Variants in ARMC9 observed in about 807,000 individuals in gnomAD.
ARMC9 encodes lisH domain-containing protein ARMC9.
In ARMC9, 94 loss-of-function variants were observed where a neutral mutation model predicts 107.0. That is an observed-to-expected ratio of 0.88 (90% confidence interval 0.74 to 1.04). ARMC9 has a LOEUF of 1.04. Ranked by LOEUF, ARMC9 falls within the 50% of genes least tolerant of loss-of-function variation. The probability of loss-of-function intolerance (pLI) is 0.00; values close to 1 mark genes in which losing one functional copy is unlikely to be tolerated. For synonymous variants in ARMC9, 380 were observed against 396.9 expected (o/e 0.96, Z 0.51); for missense variants, 942 against 1,030.1 (o/e 0.91, Z 1.17).
chr2:231,206,090 G>A (rs1171227351), intron 1 of ARMC9, 108 bp from the exon 2 acceptor site: 3 of 704,908 alleles, frequency 4.3e-6, no homozygotes, highest in Non-Finnish European at 7.6e-6. Flanking sequence ...TCTGGGGATT[G>A]GCGCATGGAT....
chr2:231,289,365 G>T (rs1421023702), intron 17 of ARMC9, among the ~76,000 whole-genome samples: 1 of 152,196 alleles, frequency 6.6e-6, no homozygotes, highest in Non-Finnish European at 1.5e-5. Context: ...TACTTGGGAG[G>T]CTAAGGTAGG....
At chr2:231,303,860 T>C (rs1240685026) in intron 19 of ARMC9, among the ~76,000 whole-genome samples, 1 of 152,100 alleles carries the variant, frequency 6.6e-6, no homozygotes, top group African/African-American at 2.4e-5. Flanking sequence ...TGCTTGAACC[T>C]GGGAGGTGGA....
At chr2:231,364,557 G>A (rs2045730838) in intron 23 of ARMC9, among the ~76,000 whole-genome samples, 1 of 152,176 alleles carries the variant, frequency 6.6e-6, no homozygotes, top group African/African-American at 2.4e-5. Flanking sequence ...AGCACTTTGG[G>A]AGGCCGAGGC....
chr2:231,223,811 T>A (rs2034385611), intron 6 of ARMC9, among the ~76,000 whole-genome samples: 1 of 152,240 alleles, frequency 6.6e-6, no homozygotes, highest in Non-Finnish European at 1.5e-5. Flanking sequence ...TCTGCCTTTA[T>A]ATCCTTAAGG....
chr2:231,327,292 C>G (rs1035954090), intron 19 of ARMC9, among the ~76,000 whole-genome samples: 1 of 152,184 alleles, frequency 6.6e-6, no homozygotes, highest in South Asian at 2.1e-4. Context: ...AAGATCAGAA[C>G]GTTTCCATCA....
intron 9 of ARMC9, among the ~76,000 whole-genome samples, chr2:231,252,572 A>T (rs2037399732): frequency 6.6e-6 from 1 of 152,180 alleles, no homozygotes; most frequent in African/African-American, 2.4e-5. Flanking sequence ...TAGTATGGCC[A>T]TGTCCTTACT....
At chr2:231,237,753 G>GTATATATATATA (rs1226959333) in intron 8 of ARMC9, among the ~76,000 whole-genome samples, 12 of 24,444 alleles carry the variant, frequency 4.9e-4, no homozygotes, top group Admixed American at 1.6e-3. Flanking sequence ...TTGGCTATAT[G>GTATATATATATA]TATATATATA....
intron 10 of ARMC9, among the ~76,000 whole-genome samples, chr2:231,257,711 A>G (rs185239665): frequency 6.6e-6 from 1 of 152,266 alleles, no homozygotes; most frequent in East Asian, 1.9e-4. Flanking sequence ...TAATTCTATT[A>G]TAGGATTATT....
chr2:231,308,902 C>T (rs1376902788), intron 19 of ARMC9, among the ~76,000 whole-genome samples: 11 of 152,218 alleles, frequency 7.2e-5, no homozygotes, highest in Non-Finnish European at 7.3e-5. Flanking sequence ...GGTCACCCAT[C>T]GTGGCCAGCT....
At chr2:231,205,088 C>CT (rs567190489) in intron 1 of ARMC9, among the ~76,000 whole-genome samples, 83 of 152,040 alleles carry the variant, frequency 5.5e-4, no homozygotes, top group African/African-American at 1.9e-3. Context: ...AGAGATCTGA[C>CT]TGAGTGTGGT....
Position 231,258,978 on chromosome 2 carries a change from T to C in ARMC9, c.915-13T>C. On this transcript the variant is annotated splice_polypyrimidine_tract_variant and intron_variant, in intron 10 of 24. Coordinates refer to ENST00000611582, the MANE Select transcript of ARMC9 (RefSeq NM_001352754.2). The stretch of plus-strand genomic sequence containing the variant: ...GCCCTTTTCTTTCTCTTTGAACTTG[T>C]GTTGCTGAGTAGGAAATTGAAGGAT... The C allele has an allele frequency of 6.3e-7, 1 of 1,598,192 alleles. No individual in the cohort carries two copies. The highest frequency in any genetic ancestry group is 8.6e-7 in the Non-Finnish European group (1 of 1,165,650).
intron 2 of ARMC9, among the ~76,000 whole-genome samples, chr2:231,206,969 G>A (rs17586603): frequency 0.19 from 28,650 of 152,194 alleles, 3,627 homozygotes; most frequent in East Asian, 0.53. Flanking sequence ...GAATTTGGTG[G>A]TGTGATGGCG....
At chr2:231,333,969 A>G (rs761839274) in intron 20 of ARMC9, among the ~76,000 whole-genome samples, 5 of 152,274 alleles carry the variant, frequency 3.3e-5, no homozygotes, top group Non-Finnish European at 7.3e-5. Flanking sequence ...TGAGACTGCT[A>G]GTTTAATCAT....
intron 21 of ARMC9, among the ~76,000 whole-genome samples, chr2:231,353,978 T>TAC (rs537007134): frequency 9.6e-4 from 133 of 138,298 alleles, no homozygotes; most frequent in Non-Finnish European, 1.3e-3. Flanking sequence ...TATATGTATA[T>TAC]ATACACACAC....
Position 231,287,227 on chromosome 2 carries a change from G to A in ARMC9, c.1627-4126G>A, listed in dbSNP as rs188689963. Among the ~76,000 whole-genome samples, 155 of 152,294 alleles carry A rather than the reference G, an allele frequency of 1.0e-3. 2 individuals are homozygous for A. The highest frequency in any genetic ancestry group is 2.2e-3 in the Admixed American group (34 of 15,298). On this transcript the variant is annotated intron_variant, in intron 17 of 24. Coordinates refer to ENST00000611582, the MANE Select transcript of ARMC9 (RefSeq NM_001352754.2). ...GCCCATGATGCCAGAAACTGCCTCC[G>A]CTCTCTCCAGAGGGCTGGGTGCTGC...
At chr2:231,306,611 G>A (rs977219764) in intron 19 of ARMC9, among the ~76,000 whole-genome samples, 29 of 152,230 alleles carry the variant, frequency 1.9e-4, no homozygotes, top group Middle Eastern at 3.4e-3. Context: ...TAGCTAGACC[G>A]GGGCATGGAA....
At chr2:231,202,319 CTTTTTTTTTTT>C (rs745728209) in intron 1 of ARMC9, among the ~76,000 whole-genome samples, 1 of 123,874 alleles carries the variant, frequency 8.1e-6, no homozygotes, top group Admixed American at 8.3e-5. Context: ...TCTTGTTTCA[CTTTTTTTTTTT>C]TTTTTTTTTT....
chr2:231,350,857 C>T (rs927924532), intron 21 of ARMC9, among the ~76,000 whole-genome samples: 1 of 144,680 alleles, frequency 6.9e-6, no homozygotes, highest in African/African-American at 2.6e-5. Context: ...AAACTCTGTA[C>T]TTTCTTTTCC....
chr2:231,217,629 A>C (rs1282217307), intron 5 of ARMC9, among the ~76,000 whole-genome samples: 1 of 152,050 alleles, frequency 6.6e-6, no homozygotes, highest in African/African-American at 2.4e-5. Context: ...GCAACCTAAC[A>C]ATTTTTACAT....
Sources: allele counts gnomAD v4.1 joint callset (sites outside exome capture counted in the v4.1 genomes callset), GRCh38; gene constraint gnomAD v4.1.1; transcripts MANE v1.5; gene names NCBI Gene and HGNC (gene_info 2026-07-23, HGNC 2026-07-21).